MYO7B: variants seen among roughly 807,000 people sequenced by gnomAD.
MYO7B encodes the protein myosin VIIB, also known as unconventional myosin-VIIb.
A neutral mutation model predicts 259.7 loss-of-function variants in MYO7B; 212 were observed. The observed-to-expected ratio is 0.82, with a 90% confidence interval of 0.73 to 0.91. The LOEUF (loss-of-function observed/expected upper bound fraction) is 0.91. Ranked by LOEUF, MYO7B falls within the 40% of genes least tolerant of loss-of-function variation. The pLI, the probability that MYO7B is intolerant of heterozygous loss-of-function variation, is 0.00. For missense variants in MYO7B, 2,732 were observed against 2,813.5 expected (o/e 0.97, Z 0.66); for synonymous variants, 1,197 against 1,166.4 (o/e 1.03, Z -0.54).
Position 127,588,466 on chromosome 2 carries a change from C to G in MYO7B, c.1765C>G (p.Leu589Val), listed in dbSNP as rs750236065. ...GGTTTACTCCTCCAAAAACAAGTTT[C>G]TGAGGGAGATATTCAACTTGGAGTT... is the stretch of plus-strand genomic sequence containing the variant. ...TLVYSSKNKF[L>V]REIFNLELAE... Residue 589 changes from leucine (L) to valine (V), a missense_variant, in exon 15 of 48, where the codon CTG becomes GTG. Physicochemically the swap from Leu to Val is conservative, Grantham distance 32. Transcript: ENST00000409816. The G allele has an allele frequency of 3.1e-6, 5 of 1,613,208 alleles. No individual in the cohort carries two copies. Among genetic ancestry groups the G allele is most frequent in the Admixed American group, 3.3e-5 (2 of 60,006 alleles).
chr2:127,584,705 G>A lies in MYO7B; in HGVS notation c.1555-73G>A. ...GCCCAGATCTCTTTGCCTCCATGAG[G>A]AAGTCCCTGAGCCTCACCTCCCCAT... is the stretch of plus-strand genomic sequence containing the variant. On this transcript the variant is annotated intron_variant, in intron 13 of 47. Transcript: ENST00000409816. This position sits in a 1 kb window ranked among gnomAD's most constrained non-coding sequence, Gnocchi z 5.8. 6.4e-7 allele frequency: 1 copy of A among 1,562,828 alleles called. No homozygotes were observed. The highest frequency in any genetic ancestry group is 8.7e-7 in the Non-Finnish European group (1 of 1,147,654).
intron 19 of MYO7B, among the ~76,000 whole-genome samples, chr2:127,602,875 C>T (rs545484203): frequency 9.2e-5 from 14 of 151,984 alleles, no homozygotes; most frequent in Admixed American, 5.9e-4. Context: ...TGATGTGCAC[C>T]GGTAGTCCCA....
chr2:127,584,209 C>A lies in MYO7B; in HGVS notation c.1431C>A (p.Tyr477Ter). The change falls in exon 13 of 48, where the codon TAC (tyrosine) becomes TAA (stop). Residue 477 changes from tyrosine (Y) to a stop codon, truncating the protein, a stop_gained. Transcript: ENST00000409816. LOFTEE classifies it high-confidence loss of function. The surrounding 1 kb of genome is among the most constrained non-coding windows in gnomAD (Gnocchi z 5.8). ...TGTTCACCATGGAGCAAGAGGAGTA[C>A]CGCTCGGAGAACATCTCCTGGGACT... is the stretch of plus-strand genomic sequence containing the variant. ...QHVFTMEQEE[Y>*]RSENISWDYI... is the part of the protein sequence containing the mutation. The A allele has an allele frequency of 5.0e-6, 8 of 1,614,006 alleles. No individual in the cohort carries two copies. Among genetic ancestry groups the A allele is most frequent in the Non-Finnish European group, 6.8e-6 (8 of 1,179,884 alleles).
In MYO7B at chr2:127,633,345, C is replaced by A; in HGVS notation, c.5493C>A (p.Phe1831Leu). The stretch of plus-strand genomic sequence containing the variant: ...CCCGCATCTGCCACAAGATCTACTT[C>A]CCCAATGACACCAGTGAGGTGAGGC... Reference protein sequence around the residue: ...NVSRICHKIYFPNDTSEMLEV... With the variant: ...NVSRICHKIYLPNDTSEMLEV... The change falls in exon 40 of 48, where the codon TTC (phenylalanine) becomes TTA (leucine). Residue 1831 changes from phenylalanine to leucine, a missense_variant. Physicochemically the swap from Phe to Leu is conservative, Grantham distance 22. Around this residue, in one of 3 missense-constraint regions of MYO7B, gnomAD observed 821 missense variants for 769.3 expected, o/e 1.07. Transcript: ENST00000409816. 6.2e-7 allele frequency: 1 copy of A among 1,613,000 alleles called. No individual in the cohort carries two copies. The highest frequency in any genetic ancestry group is 8.5e-7 in the Non-Finnish European group (1 of 1,179,746).
rs1445838259 is a variant in MYO7B at position 127,627,613 on chromosome 2, A to G, written c.4460+303A>G. On this transcript the variant is annotated intron_variant, in intron 33 of 47. Transcript: ENST00000409816. The surrounding 1 kb of genome is among the most constrained non-coding windows in gnomAD (Gnocchi z 5.6). The stretch of plus-strand genomic sequence containing the variant: ...CAGCCTCTGGCGGGCACTTATTTAG[A>G]AGGCTCCTTTCTTTGTCATGGACGA... The G allele has an allele frequency of 1.8e-5, 9 of 510,782 alleles. No individual in the cohort carries two copies. The highest frequency in any genetic ancestry group is 3.1e-5 in the South Asian group (2 of 65,040). 31.6% of individuals were successfully genotyped at this position (510,782 alleles called of 1,614,324 possible). A position where few individuals can be genotyped will look rare whatever the true frequency, so the allele number is the denominator to read the frequency against.
chr2:127,608,571 G>C, intron 21 of MYO7B, 137 bp from the exon 22 acceptor site: 1 of 961,144 alleles, frequency 1.0e-6, no homozygotes, highest in Non-Finnish European at 1.5e-6. Flanking sequence ...TTTCAGAGCA[G>C]AATATTGATT....
intron 7 of MYO7B, among the ~76,000 whole-genome samples, chr2:127,575,596 G>A (rs889385359): frequency 1.3e-5 from 2 of 151,898 alleles, no homozygotes; most frequent in Non-Finnish European, 2.9e-5. Flanking sequence ...AAAGAAAAGA[G>A]ATAACTATTT....
At chr2:127,540,344 A>G (rs1191201541) in intron 1 of MYO7B, among the ~76,000 whole-genome samples, 1 of 152,032 alleles carries the variant, frequency 6.6e-6, no homozygotes, top group African/African-American at 2.4e-5. Flanking sequence ...TTGTATTTTT[A>G]GTAGAGACAG....
chr2:127,623,191 T>C lies in MYO7B; in HGVS notation c.3646-11T>C. 1.9e-6 allele frequency: 3 copies of C among 1,613,180 alleles called. No individual in the cohort carries two copies. Among genetic ancestry groups the C allele is most frequent in the East Asian group, 2.2e-5 (1 of 44,862 alleles). ...CAAGAGGCCAGGGAACTGAATCTCA[T>C]CTGTCCCCAGGCTGTCAAGTCCAAG... is the stretch of plus-strand genomic sequence containing the variant. On this transcript the variant is annotated splice_polypyrimidine_tract_variant and intron_variant, in intron 28 of 47. Transcript: ENST00000409816.
At position 127,628,178 on chromosome 2, in the gene MYO7B, G is replaced by A. The variant is rs773739094; in HGVS notation, c.4461-194G>A. ...ATGGGCTGCACCACTCTCAGCCTCC[G>A]AGAGGTCCTGTGCTCCGCCGTCCTT... On this transcript the variant is annotated intron_variant, in intron 33 of 47. Transcript: ENST00000409816. This position sits in a 1 kb window ranked among gnomAD's most constrained non-coding sequence, Gnocchi z 4.8. The A allele has an allele frequency of 2.7e-5, 20 of 730,214 alleles. No individual in the cohort carries two copies. Among genetic ancestry groups the A allele is most frequent in the South Asian group, 4.4e-5 (3 of 67,494 alleles). The allele number at this position is 730,214 out of a possible 1,614,324, so 45.2% of individuals were successfully genotyped here.
At chr2:127,588,605 G>C (rs368098267) in intron 15 of MYO7B, 50 bp downstream of exon 15, 1 of 1,605,618 alleles carries the variant, frequency 6.2e-7, no homozygotes, top group Non-Finnish European at 8.5e-7. Context: ...TGGCTACAGG[G>C]CCAGACAGAC....
intron 26 of MYO7B, among the ~76,000 whole-genome samples, chr2:127,619,400 T>C (rs373436729): frequency 3.7e-5 from 4 of 106,670 alleles, no homozygotes; most frequent in African/African-American, 1.1e-4. Flanking sequence ...TGGTGGGGGC[T>C]GGATGGATGG....
At chr2:127,564,304 C>T in intron 3 of MYO7B, 38 bp downstream of exon 3, 1 of 1,481,686 alleles carries the variant, frequency 6.7e-7, no homozygotes. Flanking sequence ...CCTGCCCTGC[C>T]CTCACATCCA....
chr2:127,636,466 G>T lies in MYO7B; in HGVS notation c.6124-79G>T. The T allele has an allele frequency of 1.4e-6, 2 of 1,462,848 alleles. No individual in the cohort carries two copies. The highest frequency in any genetic ancestry group is 1.4e-5 in the African/African-American group (1 of 71,412). 90.6% of individuals were successfully genotyped at this position (1,462,848 alleles called of 1,614,324 possible). Reference sequence around the variant, plus strand: ...GGCGTGGGTGTATGTGTGTATGTGCGTGTGGCCTAGATGAGCTCCTGGGAG... The same window carrying T: ...GGCGTGGGTGTATGTGTGTATGTGCTTGTGGCCTAGATGAGCTCCTGGGAG... On this transcript the variant is annotated intron_variant, in intron 45 of 47. Transcript: ENST00000409816. The surrounding 1 kb of genome is among the most constrained non-coding windows in gnomAD (Gnocchi z 4.5).
At chr2:127,554,725 C>T (rs1481806077) in intron 1 of MYO7B, among the ~76,000 whole-genome samples, 1 of 151,992 alleles carries the variant, frequency 6.6e-6, no homozygotes, top group Non-Finnish European at 1.5e-5. Context: ...TTTGTTGTTG[C>T]TGGTAATTTT....
In MYO7B at chr2:127,629,689, C is replaced by G. The variant is rs1203055085; in HGVS notation, c.4669C>G (p.Leu1557Val). The G allele has an allele frequency of 6.2e-7, 1 of 1,612,448 alleles. No homozygotes were observed. The highest frequency in any genetic ancestry group is 1.7e-5 in the Admixed American group (1 of 59,928). Residue 1557 changes from leucine to valine, a missense_variant, in exon 35 of 48, where the codon CTC (leucine) becomes GTC (valine). Coordinates refer to ENST00000409816, the MANE Select transcript of MYO7B (RefSeq NM_001393586.1). ...LAFKKGDLLV[L>V]TKKQGLLASE... ...CTTCAAGAAGGGGGACCTGTTGGTC[C>G]TCACAAAGAAGCAGGGGCTGCTGGC...
At position 127,590,950 on chromosome 2, in the gene MYO7B, T is replaced by C. The variant is rs1301543563; in HGVS notation, c.1992+721T>C. The stretch of plus-strand genomic sequence containing the variant: ...AGCTCACGCTTGTAATCCCAGCACT[T>C]TGGGAGGCTGAGGCGGGAGGATTGC... On this transcript the variant is annotated intron_variant, in intron 16 of 47. Transcript: ENST00000409816. This position sits in a 1 kb window ranked among gnomAD's most constrained non-coding sequence, Gnocchi z 4.6. Among the ~76,000 whole-genome samples the C allele has an allele frequency of 6.6e-6, 1 of 152,196 alleles. No homozygotes were observed. Among genetic ancestry groups the C allele is most frequent in the Non-Finnish European group, 1.5e-5 (1 of 68,020 alleles).
At chr2:127,604,302 C>G (rs1188138797) in intron 19 of MYO7B, among the ~76,000 whole-genome samples, 1 of 152,176 alleles carries the variant, frequency 6.6e-6, no homozygotes, top group Non-Finnish European at 1.5e-5. Context: ...CCAAACTTTG[C>G]TAGCTTCATA....
At chr2:127,634,137 A>G (rs758559727) in intron 40 of MYO7B, 39 bp from the exon 41 acceptor site, 1 of 1,507,406 alleles carries the variant, frequency 6.6e-7, no homozygotes, top group South Asian at 1.2e-5. Flanking sequence ...ACTGGCCCCT[A>G]GCCAGGCCCC....
Sources: gnomAD v4.1 joint callset for allele counts (sites outside exome capture counted in the v4.1 genomes callset) on GRCh38, gnomAD v4.1.1 for gene constraint, gnomAD v4.1.1 regional missense constraint, Gnocchi (gnomAD v3.1) non-coding constraint, MANE v1.5 for transcripts, NCBI Gene and HGNC (gene_info 2026-07-23, HGNC 2026-07-21) for gene names.